Variants in CFAP65 observed in about 807,000 individuals in gnomAD.
The protein encoded by CFAP65 is cilia- and flagella-associated protein 65.
A neutral mutation model predicts 208.0 loss-of-function variants in CFAP65; 155 were observed. The observed-to-expected ratio is 0.75, with a 90% CI of 0.65 to 0.85. The LOEUF is 0.85. Among genes scored for constraint, CFAP65 ranks in the 40% least tolerant of loss-of-function variants. CFAP65 has a pLI of 0.00. For synonymous variants in CFAP65, 970 were observed against 986.3 expected (o/e 0.98, Z 0.31); for missense variants, 2,294 against 2,451.3 (o/e 0.94, Z 1.36).
intron 26 of CFAP65, among the ~76,000 whole-genome samples, chr2:219,010,316 G>A (rs1246830980): frequency 6.6e-6 from 1 of 152,102 alleles, no homozygotes; most frequent in East Asian, 1.9e-4. Flanking sequence ...CAGGTGGAGC[G>A]GCTTGAGCAG....
rs1410082633 is a variant in CFAP65 at position 219,041,427 on chromosome 2, C to T, written c.-49+61G>A. Reference sequence around the variant, plus strand: ...AGGGTCTCCCGGGACAGATACCTTCCCTGGCCACTCGCGCCGCTCCCTGAG... The same window carrying T: ...AGGGTCTCCCGGGACAGATACCTTCTCTGGCCACTCGCGCCGCTCCCTGAG... On this transcript the variant is annotated intron_variant, in intron 1 of 34. Transcript: ENST00000341552. 7.2e-6 allele frequency: 11 copies of T among 1,535,236 alleles called. No homozygotes were observed. In the East Asian group the frequency reaches 1.5e-4, roughly 20 times the overall value.
chr2:219,032,594 G>C lies in CFAP65; in HGVS notation c.543-22C>G. 1 of 1,566,728 alleles carries C rather than the reference G, an allele frequency of 6.4e-7. No homozygotes were observed. Among genetic ancestry groups the C allele is most frequent in the Non-Finnish European group, 8.7e-7 (1 of 1,153,314 alleles). Reference sequence around the variant, plus strand: ...GGGCCTGCAGGAGAGAGCCGGTGGGGAGCACCTCAGATCAGGGCTCAGAAC... The same window carrying C: ...GGGCCTGCAGGAGAGAGCCGGTGGGCAGCACCTCAGATCAGGGCTCAGAAC... On this transcript the variant is annotated intron_variant, in intron 5 of 34. Transcript: ENST00000341552. The surrounding 1 kb of genome is among the most constrained non-coding windows in gnomAD (Gnocchi z 5.5).
rs535399678 is a variant in CFAP65 at position 219,023,466 on chromosome 2, T to C, written c.2596-35A>G. The C allele has an allele frequency of 9.3e-5, 134 of 1,445,886 alleles. 1 individual carries two copies. In the South Asian group the frequency reaches 1.5e-3, roughly 16 times the overall value. 89.6% of individuals were successfully genotyped at this position (1,445,886 alleles called of 1,614,324 possible). A position where few individuals can be genotyped will look rare whatever the true frequency, so the allele number is the denominator to read the frequency against. On this transcript the variant is annotated intron_variant, in intron 15 of 34. Transcript: ENST00000341552. ...GAGGAAGAAGGGCAGTGCCCTGACCTCACTCTGCAGTCCCAGCCCCCCACA... is the reference window on the plus strand; with the variant it reads ...GAGGAAGAAGGGCAGTGCCCTGACCCCACTCTGCAGTCCCAGCCCCCCACA...
Position 219,031,070 on chromosome 2 carries a change from G to A in CFAP65, c.1015+36C>T. ...CTGGAGGACCCAGAAGGTGCAGGAG[G>A]GGCCAGTCTGGGGACGGTGGGAGGT... On this transcript the variant is annotated intron_variant, in intron 8 of 34. Coordinates refer to ENST00000341552, the MANE Select transcript of CFAP65 (RefSeq NM_194302.4). The surrounding 1 kb of genome is among the most constrained non-coding windows in gnomAD (Gnocchi z 5.2). 1 of 1,555,050 alleles carries A rather than the reference G, an allele frequency of 6.4e-7. No individual in the cohort carries two copies. Among genetic ancestry groups the A allele is most frequent in the Non-Finnish European group, 8.7e-7 (1 of 1,148,742 alleles).
At position 219,013,566 on chromosome 2, in the gene CFAP65, C is replaced by T; in HGVS notation, c.3799G>A (p.Asp1267Asn). 6.2e-7 allele frequency: 1 copy of T among 1,600,812 alleles called. No individual in the cohort carries two copies. Among genetic ancestry groups the T allele is most frequent in the Non-Finnish European group, 8.5e-7 (1 of 1,175,190 alleles). ...LKYSHLFIGT[D>N]HLPVLFKVSH... ...ACCTTGAAGAGCACTGGGAGGTGAT[C>T]AGTACCGATGAACAGGTGGCTAGAA... Residue 1267 changes from aspartate (D) to asparagine (N), a missense_variant, in exon 23 of 35, where the codon GAT becomes AAT. Asp to Asn is a conservative substitution (Grantham distance 23). Coordinates refer to ENST00000341552, the MANE Select transcript of CFAP65 (RefSeq NM_194302.4).
At chr2:219,020,501 C>T (rs1947200847) in intron 19 of CFAP65, among the ~76,000 whole-genome samples, 1 of 152,136 alleles carries the variant, frequency 6.6e-6, no homozygotes, top group Non-Finnish European at 1.5e-5. Flanking sequence ...CTGCCTCAGC[C>T]TCCCAAGTAG....
rs1167836333 is a variant in CFAP65, at chr2:219,019,021, G to C, written c.3602+30C>G. On this transcript the variant is annotated intron_variant, in intron 21 of 34. Coordinates refer to ENST00000341552, the MANE Select transcript of CFAP65 (RefSeq NM_194302.4). The stretch of plus-strand genomic sequence containing the variant: ...TCAGCCTCTAGGCACTTGTCTCCCA[G>C]GCCCCCCAGTGGCCCCCTTCAAGCC... 2.5e-6 allele frequency: 4 copies of C among 1,613,836 alleles called. No individual in the cohort carries two copies. In the South Asian group the frequency reaches 4.4e-5, roughly 18 times the overall value.
rs779334398 is a variant in CFAP65 at position 219,019,695 on chromosome 2, TC to T, written c.3283del (p.Glu1095SerfsTer65). Reference sequence around the variant, plus strand: ...GGCCACCAGGGAGACGCAGCACAGCTCCTGCTTCTCCCCAGCCTTGTTATCT... The same window carrying T: ...GGCCACCAGGGAGACGCAGCACAGCTCTGCTTCTCCCCAGCCTTGTTATCT... ...HRDNKAGEKQELCCVSLVAVY... is the reference protein window; with the variant it reads ...HRDNKAGEKQXLCCVSLVAVY... On this transcript the variant is annotated frameshift_variant, in exon 20 of 35. Transcript: ENST00000341552. LOFTEE classifies it high-confidence loss of function. The T allele has an allele frequency of 6.2e-7, 1 of 1,613,322 alleles. No homozygotes were observed. Among genetic ancestry groups the T allele is most frequent in the South Asian group, 1.1e-5 (1 of 91,074 alleles).
chr2:219,037,099 G>A (rs1424047963), intron 4 of CFAP65, among the ~76,000 whole-genome samples: 1 of 152,152 alleles, frequency 6.6e-6, no homozygotes, highest in Admixed American at 6.5e-5. Flanking sequence ...TTAAAATAGG[G>A]AATTTACTGT....
At position 219,010,055 on chromosome 2, in the gene CFAP65, G is replaced by A. The variant is rs1946363193; in HGVS notation, c.4339C>T (p.Leu1447=). The A allele has an allele frequency of 2.5e-6, 4 of 1,606,608 alleles. No homozygotes were observed. Among genetic ancestry groups the A allele is most frequent in the Non-Finnish European group, 3.4e-6 (4 of 1,176,662 alleles). Residue 1447 remains leucine (L), a synonymous_variant, in exon 27 of 35, where the codon CTG becomes TTG. Transcript: ENST00000341552. ...NVFLSQSHIS[L]GNIPVQSKCS... ...TTGCTCTGCACAGGTATGTTTCCCA[G>A]GGAAATATGAGACTGGGACAGGAAG... is the stretch of plus-strand genomic sequence containing the variant.
At position 219,024,011 on chromosome 2, in the gene CFAP65, C is replaced by T. The variant is rs981031721; in HGVS notation, c.2595+4G>A. 49 of 1,612,000 alleles carry T rather than the reference C, an allele frequency of 3.0e-5. No homozygotes were observed. The highest frequency in any genetic ancestry group is 4.0e-5 in the Non-Finnish European group (47 of 1,178,682). On this transcript the variant is annotated splice_donor_region_variant and intron_variant, in intron 15 of 34. Transcript: ENST00000341552. ...GACCCAGGTCCCCTCCCTCTGCCTC[C>T]TACCTTGAGATACTGGGGGGAAGCA...
rs376526349 is a variant in CFAP65 at position 219,023,110 on chromosome 2, TG to T, written c.2820+96del. The stretch of plus-strand genomic sequence containing the variant: ...TGGGGGAAGTTACTGTGGATGGAAT[TG>T]GGGGCTGCACATGGCAAGTCTGGGC... On this transcript the variant is annotated intron_variant, in intron 16 of 34. Coordinates refer to ENST00000341552, the MANE Select transcript of CFAP65 (RefSeq NM_194302.4). The T allele has an allele frequency of 2.0e-4, 201 of 996,888 alleles. 2 individuals carry two copies. The South Asian group carries it at 2.6e-3, about 13-fold the overall frequency. 61.8% of individuals were successfully genotyped at this position (996,888 alleles called of 1,614,324 possible).
In CFAP65 at chr2:219,022,205, C is replaced by T. The variant is rs564726284; in HGVS notation, c.2945G>A (p.Arg982Gln). ...GCTGGTGAGCCCAACGCCCACCAGC[C>T]GGAGCATGTAGTGGGTGGTGGCAGC... ...NPAATTHYML[R>Q]LVGVGLTSSL... Residue 982 changes from arginine (R) to glutamine (Q), a missense_variant, in exon 17 of 35, where the codon CGG becomes CAG. Arg to Gln is a conservative substitution (Grantham distance 43, BLOSUM62 1). This residue lies in a region of CFAP65 where 1,427 missense variants were observed against 1,438.7 expected (regional missense o/e 0.99). Coordinates refer to ENST00000341552, the MANE Select transcript of CFAP65 (RefSeq NM_194302.4). The T allele has an allele frequency of 6.8e-5, 109 of 1,605,476 alleles. No homozygotes were observed. The highest frequency in any genetic ancestry group is 2.7e-4 in the East Asian group (12 of 44,688).
intron 4 of CFAP65, among the ~76,000 whole-genome samples, chr2:219,037,616 A>AG (rs546750382): frequency 8.7e-4 from 132 of 152,200 alleles, no homozygotes; most frequent in Non-Finnish European, 1.7e-3. Context: ...GGAAGAGAAG[A>AG]GAAATGCCCT....
At position 219,006,285 on chromosome 2, in the gene CFAP65, G is replaced by A. The variant is rs982559730; in HGVS notation, c.4720-62C>T. On this transcript the variant is annotated intron_variant, in intron 30 of 34. Transcript: ENST00000341552. Reference sequence around the variant, plus strand: ...GGCACCACATTCACATCACCAATGGGGTCCCTTGACCTAGTTCCCCCACAG... The same window carrying A: ...GGCACCACATTCACATCACCAATGGAGTCCCTTGACCTAGTTCCCCCACAG... 1.9e-6 allele frequency: 3 copies of A among 1,547,024 alleles called. No homozygotes were observed. In the African/African-American group the frequency reaches 4.1e-5, roughly 21 times the overall value.
Position 219,013,981 on chromosome 2 carries a change from C to T in CFAP65, c.3666G>A (p.Leu1222=), listed in dbSNP as rs146031757. 6.2e-6 allele frequency: 10 copies of T among 1,613,526 alleles called. No homozygotes were observed. The highest frequency in any genetic ancestry group is 8.5e-7 in the Non-Finnish European group (1 of 1,179,892). ...GCATCTGGTGGAGCTCAGTGGAATT[C>T]AACTCTGCTTGCTCTGCCCAGAGCT... ...DVELWAEQAE[L]NSTELHQMRV... The change falls in exon 22 of 35, where the codon TTG becomes TTA. Residue 1222 remains leucine, a synonymous_variant. Coordinates refer to ENST00000341552, the MANE Select transcript of CFAP65 (RefSeq NM_194302.4).
At position 219,028,269 on chromosome 2, in the gene CFAP65, G is replaced by A. The variant is rs1480236595; in HGVS notation, c.1783C>T (p.Leu595=). ...RGLTLYPPDI[L]DAMLKEKKLA... is the part of the protein sequence containing the mutation. ...TTCTTCTCCTTCAGCATGGCATCCA[G>A]GATGTCAGGGGGGTAGAGCGTCAGG... The change falls in exon 12 of 35, where the codon CTG becomes TTG. Residue 595 remains leucine, a synonymous_variant. Coordinates refer to ENST00000341552, the MANE Select transcript of CFAP65 (RefSeq NM_194302.4). 1.2e-6 allele frequency: 2 copies of A among 1,614,128 alleles called. No individual in the cohort carries two copies. The highest frequency in any genetic ancestry group is 1.7e-5 in the Admixed American group (1 of 60,022).
At position 219,024,165 on chromosome 2, in the gene CFAP65, C is replaced by T. The variant is rs1311194503; in HGVS notation, c.2445G>A (p.Gln815=). ...CKLLTFSLAP[Q]RGSDVILRPT... Reference sequence around the variant, plus strand: ...GCCGAAGGATGACGTCTGAGCCTCTCTGGGGGGCCAGGCTGAAGGTCAGCA... The same window carrying T: ...GCCGAAGGATGACGTCTGAGCCTCTTTGGGGGGCCAGGCTGAAGGTCAGCA... The change falls in exon 15 of 35, where the codon CAG becomes CAA. Residue 815 remains glutamine, a synonymous_variant. Coordinates refer to ENST00000341552, the MANE Select transcript of CFAP65 (RefSeq NM_194302.4). The T allele has an allele frequency of 1.2e-6, 2 of 1,613,928 alleles. No homozygotes were observed. The highest frequency in any genetic ancestry group is 1.7e-6 in the Non-Finnish European group (2 of 1,180,038).
At position 219,040,473 on chromosome 2, in the gene CFAP65, A is replaced by T. The variant is rs762404742; in HGVS notation, c.-3+46T>A. 20 of 965,388 alleles carry T rather than the reference A, an allele frequency of 2.1e-5. No individual in the cohort carries two copies. The South Asian group carries it at 2.8e-4, about 13-fold the overall frequency. The allele number at this position is 965,388 out of a possible 1,614,324, so 59.8% of individuals were successfully genotyped here. A position where few individuals can be genotyped will look rare whatever the true frequency, so the allele number is the denominator to read the frequency against. ...ATTCACAAAGCACTTACTATTATGTACCAGGTACTGTGCTAGGCACCAGAC... is the reference window on the plus strand; with the variant it reads ...ATTCACAAAGCACTTACTATTATGTTCCAGGTACTGTGCTAGGCACCAGAC... On this transcript the variant is annotated intron_variant, in intron 2 of 34. Coordinates refer to ENST00000341552, the MANE Select transcript of CFAP65 (RefSeq NM_194302.4).
Sources: gnomAD v4.1 joint callset for allele counts (sites outside exome capture counted in the v4.1 genomes callset) on GRCh38, gnomAD v4.1.1 for gene constraint, gnomAD v4.1.1 regional missense constraint, Gnocchi (gnomAD v3.1) non-coding constraint, MANE v1.5 for transcripts, NCBI Gene and HGNC (gene_info 2026-07-23, HGNC 2026-07-21) for gene names.